DPYSL2: variants seen among roughly 807,000 people sequenced by gnomAD.
DPYSL2 encodes the protein dihydropyrimidinase-related protein 2.
A neutral mutation model predicts 69.9 loss-of-function variants in DPYSL2; 13 were observed. The ratio of observed to expected loss-of-function variants is 0.19; its 90% confidence interval spans 0.12 to 0.30. The LOEUF (loss-of-function observed/expected upper bound fraction) is 0.30, where lower values mean the gene tolerates loss of function less well. Among genes scored for constraint, DPYSL2 ranks in the 10% least tolerant of loss-of-function variants. The probability of loss-of-function intolerance (pLI) is 1.00; values close to 1 mark genes in which losing one functional copy is unlikely to be tolerated. For synonymous variants in DPYSL2, 326 were observed against 359.1 expected (o/e 0.91, Z 1.04); for missense variants, 587 against 918.9 (o/e 0.64, Z 4.67).
At chr8:26,595,475 C>T (rs73226174) in intron 3 of DPYSL2, among the ~76,000 whole-genome samples, 3 of 152,220 alleles carry the variant, frequency 2.0e-5, no homozygotes, top group Non-Finnish European at 2.9e-5. Context: ...TCAAATGAGG[C>T]CAACTTTATA....
chr8:26,643,208 TG>T lies in DPYSL2; in HGVS notation c.1127-230del. Reference sequence around the variant, plus strand: ...CTGGGATCCTATAGGGAGGGTGTGTTGTTTGAAGAGCAGGGGCTGAAGGTGG... The same window carrying T: ...CTGGGATCCTATAGGGAGGGTGTGTTTTTGAAGAGCAGGGGCTGAAGGTGG... On this transcript the variant is annotated intron_variant, in intron 8 of 13. Transcript: ENST00000521913. This position sits in a 1 kb window ranked among gnomAD's most constrained non-coding sequence, Gnocchi z 6.5. 3 of 464,272 alleles carry T rather than the reference TG, an allele frequency of 6.5e-6. No homozygotes were observed. The highest frequency in any genetic ancestry group is 1.1e-5 in the Non-Finnish European group (3 of 265,712). The allele number at this position is 464,272 out of a possible 1,614,324, so 28.8% of individuals were successfully genotyped here.
chr8:26,633,839 C>T (rs977536475), intron 7 of DPYSL2, among the ~76,000 whole-genome samples: 5 of 152,222 alleles, frequency 3.3e-5, no homozygotes, highest in South Asian at 4.1e-4. Context: ...TGCTGAAGGT[C>T]GTACCAGGCT....
Position 26,582,024 on chromosome 8 carries a change from A to G in DPYSL2, c.410A>G (p.Tyr137Cys), listed in dbSNP as rs1483556622. ...ATTGTTAATGATGACCAGTCGTTCTATGCAGACATATACATGGAAGATGGG... is the reference window on the plus strand; with the variant it reads ...ATTGTTAATGATGACCAGTCGTTCTGTGCAGACATATACATGGAAGATGGG... The part of the protein sequence containing the change: ...GKIVNDDQSF[Y>C]ADIYMEDGLI... The change falls in exon 2 of 14, where the codon TAT becomes TGT. Residue 137 changes from tyrosine (Y) to cysteine (C), a missense_variant. Tyr to Cys is a radical substitution (Grantham distance 194). Around this residue, in one of 3 missense-constraint regions of DPYSL2, gnomAD observed 452 missense variants for 754.3 expected, o/e 0.60. Transcript: ENST00000521913. This position sits in a 1 kb window ranked among gnomAD's most constrained non-coding sequence, Gnocchi z 4.1. The G allele has an allele frequency of 1.2e-6, 2 of 1,614,002 alleles. No homozygotes were observed. The highest frequency in any genetic ancestry group is 3.3e-5 in the Admixed American group (2 of 60,028).
At position 26,641,646 on chromosome 8, in the gene DPYSL2, C is replaced by T. The variant is rs1162840449; in HGVS notation, c.1127-1793C>T. On this transcript the variant is annotated intron_variant, in intron 8 of 13. Coordinates refer to ENST00000521913, the MANE Select transcript of DPYSL2 (RefSeq NM_001197293.3). This position sits in a 1 kb window ranked among gnomAD's most constrained non-coding sequence, Gnocchi z 4.1. ...CAGCTTCTGCATGGGAGACTTTGAG[C>T]AGGCCAGGAGCCAAGGGGACCCTCC... 6.6e-6 allele frequency among the ~76,000 whole-genome samples: 1 copy of T among 152,234 alleles called. No individual in the cohort carries two copies.
rs772452285 is a variant in DPYSL2, at chr8:26,643,980, T to C, written c.1314T>C (p.His438=). The change falls in exon 10 of 14, where the codon CAT becomes CAC. Residue 438 remains histidine (H), a synonymous_variant. Transcript: ENST00000521913. The surrounding 1 kb of genome is among the most constrained non-coding windows in gnomAD (Gnocchi z 6.5). ...CGDLQVTGSA[H]CTFNTAQKAV... is the part of the protein sequence containing the mutation. ...ACCTCCAGGTCACGGGCAGTGCCCA[T>C]TGCACGTTTAACACTGCCCAGAAGG... 6.8e-6 allele frequency: 11 copies of C among 1,614,086 alleles called. No individual in the cohort carries two copies. The highest frequency in any genetic ancestry group is 2.2e-5 in the East Asian group (1 of 44,878).
At position 26,533,199 on chromosome 8, in the gene DPYSL2, T is replaced by C. The variant is rs1800539433; in HGVS notation, c.354+18520T>C. On this transcript the variant is annotated intron_variant, in intron 1 of 13. Transcript: ENST00000521913. The surrounding 1 kb of genome is among the most constrained non-coding windows in gnomAD (Gnocchi z 4.8). ...TTTGGAGAACTGTCTATTAAAATTC[T>C]TTGCCCATTTTTAAGTTGGAATATT... 6.6e-6 allele frequency among the ~76,000 whole-genome samples: 1 copy of C among 152,236 alleles called. No homozygotes were observed. Among genetic ancestry groups the C allele is most frequent in the Non-Finnish European group, 1.5e-5 (1 of 68,042 alleles).
chr8:26,522,763 A>G (rs1307960495), intron 1 of DPYSL2, among the ~76,000 whole-genome samples: 1 of 152,134 alleles, frequency 6.6e-6, no homozygotes, highest in Non-Finnish European at 1.5e-5. Context: ...TATCAGATCT[A>G]TAGTTTGCAG....
intron 7 of DPYSL2, among the ~76,000 whole-genome samples, chr8:26,630,402 TTTGTTC>T (rs1802742443): frequency 3.9e-5 from 5 of 129,138 alleles, no homozygotes; most frequent in Admixed American, 3.8e-4. Flanking sequence ...TTCCCAGGGC[TTTGTTC>T]CGCCCTGAAA....
chr8:26,578,953 G>A (rs1801423035), intron 1 of DPYSL2, among the ~76,000 whole-genome samples: 1 of 38,652 alleles, frequency 2.6e-5, no homozygotes, highest in African/African-American at 6.4e-5. Context: ...CCGGTTTTGG[G>A]TGCCCCCCCC....
chr8:26,560,859 A>G lies in DPYSL2; in HGVS notation c.355-21110A>G, dbSNP rs980963840. Among the ~76,000 whole-genome samples, 1 of 152,202 alleles carries G rather than the reference A, an allele frequency of 6.6e-6. No individual in the cohort carries two copies. The highest frequency in any genetic ancestry group is 1.5e-5 in the Non-Finnish European group (1 of 68,036). On this transcript the variant is annotated intron_variant, in intron 1 of 13. Coordinates refer to ENST00000521913, the MANE Select transcript of DPYSL2 (RefSeq NM_001197293.3). The surrounding 1 kb of genome is among the most constrained non-coding windows in gnomAD (Gnocchi z 4.4). ...TGCTGGTTCCACCCATTTTCCAACC[A>G]GAAAGGAAAGAAACATCATTAATCA...
rs1394168325 is a variant in DPYSL2, at chr8:26,647,784, C to T, written c.1580C>T (p.Ala527Val). 6.2e-7 allele frequency: 1 copy of T among 1,613,246 alleles called. No homozygotes were observed. Among genetic ancestry groups the T allele is most frequent in the African/African-American group, 1.3e-5 (1 of 74,904 alleles). The stretch of plus-strand genomic sequence containing the variant: ...CCCGACAGCGTTAAAACCATCTCTG[C>T]CAAGACACACAACAGCGTAAGACCT... ...WDPDSVKTIS[A>V]KTHNSSLEYN... is the part of the protein sequence containing the mutation. Residue 527 changes from alanine (A) to valine (V), a missense_variant, in exon 11 of 14, where the codon GCC becomes GTC. This residue lies in a region of DPYSL2 where 452 missense variants were observed against 754.3 expected (regional missense o/e 0.60). Coordinates refer to ENST00000521913, the MANE Select transcript of DPYSL2 (RefSeq NM_001197293.3). This position sits in a 1 kb window ranked among gnomAD's most constrained non-coding sequence, Gnocchi z 5.1.
rs1803335710 is a variant in DPYSL2, at chr8:26,654,178, G to A, written c.1942+781G>A. Reference sequence around the variant, plus strand: ...TGCTCCCCCGTGAGGTTGTTGTGAGGGTTAAATGGGTTAATATATATGTAC... The same window carrying A: ...TGCTCCCCCGTGAGGTTGTTGTGAGAGTTAAATGGGTTAATATATATGTAC... On this transcript the variant is annotated intron_variant, in intron 13 of 13. Coordinates refer to ENST00000521913, the MANE Select transcript of DPYSL2 (RefSeq NM_001197293.3). The surrounding 1 kb of genome is among the most constrained non-coding windows in gnomAD (Gnocchi z 5.0). Among the ~76,000 whole-genome samples, 1 of 152,082 alleles carries A rather than the reference G, an allele frequency of 6.6e-6. No homozygotes were observed.
chr8:26,526,313 TC>T (rs1007367307), intron 1 of DPYSL2, among the ~76,000 whole-genome samples: 4 of 152,138 alleles, frequency 2.6e-5, no homozygotes, highest in African/African-American at 7.2e-5. Flanking sequence ...CAGGATGGTC[TC>T]CATTTCCTGA....
At chr8:26,622,148 T>TC (rs1563413370) in intron 3 of DPYSL2, among the ~76,000 whole-genome samples, 10 of 57,362 alleles carry the variant, frequency 1.7e-4, no homozygotes, top group Admixed American at 7.2e-4. Context: ...CTTCCTTCCT[T>TC]CCTTCCTTCC....
At chr8:26,563,239 G>C (rs1047147797) in intron 1 of DPYSL2, among the ~76,000 whole-genome samples, 3 of 152,114 alleles carry the variant, frequency 2.0e-5, no homozygotes, top group Non-Finnish European at 4.4e-5. Flanking sequence ...AGTCACACTA[G>C]ACTCCTTTCT....
intron 1 of DPYSL2, chr8:26,547,992 T>G (rs7831864): frequency 0.89 from 235,165 of 263,226 alleles, 105,620 homozygotes; most frequent in East Asian, 0.99. Flanking sequence ...AGAAGGTCCT[T>G]TTCCTGTTCC....
rs1300097822 is a variant in DPYSL2 at position 26,560,204 on chromosome 8, G to A, written c.355-21765G>A. Among the ~76,000 whole-genome samples the A allele has an allele frequency of 1.3e-5, 2 of 152,180 alleles. No homozygotes were observed. Among genetic ancestry groups the A allele is most frequent in the Non-Finnish European group, 2.9e-5 (2 of 68,028 alleles). ...TTGGCAGCTCACTCTGCCTGAACCT[G>A]GGTGGCAGGGGCTGCATGTTTAGAA... On this transcript the variant is annotated intron_variant, in intron 1 of 13. Transcript: ENST00000521913. This position sits in a 1 kb window ranked among gnomAD's most constrained non-coding sequence, Gnocchi z 4.4.
intron 1 of DPYSL2, among the ~76,000 whole-genome samples, chr8:26,547,025 A>G (rs894353034): frequency 5.9e-5 from 9 of 151,622 alleles, no homozygotes; most frequent in Admixed American, 3.9e-4. Flanking sequence ...ACAAGGCAAG[A>G]CACTTCACCT....
intron 1 of DPYSL2, chr8:26,578,541 G>A (rs941774805): frequency 2.1e-6 from 3 of 1,399,474 alleles, no homozygotes; most frequent in Non-Finnish European, 1.8e-6. Flanking sequence ...TAGGTAACGC[G>A]CCAGACCCGG....
Sources: gnomAD v4.1 joint callset for allele counts (sites outside exome capture counted in the v4.1 genomes callset) on GRCh38, gnomAD v4.1.1 for gene constraint, gnomAD v4.1.1 regional missense constraint, Gnocchi (gnomAD v3.1) non-coding constraint, MANE v1.5 for transcripts, NCBI Gene and HGNC (gene_info 2026-07-23, HGNC 2026-07-21) for gene names.